DCC: variants seen among roughly 807,000 people sequenced by gnomAD.
The protein encoded by DCC is netrin receptor DCC.
In DCC, 58 loss-of-function variants were observed where a neutral mutation model predicts 172.5. The ratio of observed to expected loss-of-function variants is 0.34; its 90% confidence interval spans 0.27 to 0.42. The LOEUF (loss-of-function observed/expected upper bound fraction) is 0.42, where lower values mean the gene tolerates loss of function less well. DCC is among the 10% of genes least tolerant of loss of function. DCC has a pLI of 1.00. For synonymous variants in DCC, 709 were observed against 644.5 expected (o/e 1.10, Z -1.52); for missense variants, 1,740 against 1,791.0 (o/e 0.97, Z 0.51).
chr18:53,090,581 CCA>C (rs2042988238), intron 7 of DCC, among the ~76,000 whole-genome samples: 2 of 150,622 alleles, frequency 1.3e-5, no homozygotes, highest in Non-Finnish European at 3.0e-5. Context: ...GTGGTCCCAG[CCA>C]CTCGGCAGGC....
intron 7 of DCC, among the ~76,000 whole-genome samples, chr18:53,116,460 C>G (rs941120202): frequency 1.3e-5 from 2 of 151,636 alleles, no homozygotes; most frequent in Non-Finnish European, 3.0e-5. Flanking sequence ...TTCCGTGTCT[C>G]CAGACCCTGT....
intron 7 of DCC, among the ~76,000 whole-genome samples, chr18:53,087,453 G>GT (rs1376910441): frequency 1.3e-5 from 2 of 151,154 alleles, no homozygotes; most frequent in African/African-American, 4.9e-5. Flanking sequence ...GGGGTTGTTT[G>GT]TTTTTTTCTT....
intron 5 of DCC, among the ~76,000 whole-genome samples, chr18:52,942,433 G>C (rs1337018213): frequency 6.6e-6 from 1 of 151,998 alleles, no homozygotes; most frequent in Non-Finnish European, 1.5e-5. Flanking sequence ...TCTTTTAATA[G>C]CATGTGGGTG....
At chr18:53,165,055 G>C (rs2054895560) in intron 8 of DCC, among the ~76,000 whole-genome samples, 1 of 152,166 alleles carries the variant, frequency 6.6e-6, no homozygotes, top group Non-Finnish European at 1.5e-5. Context: ...AAAATACAGT[G>C]GGAGTGCAGA....
chr18:53,119,565 T>C (rs2144283310), intron 7 of DCC, among the ~76,000 whole-genome samples: 1 of 152,018 alleles, frequency 6.6e-6, no homozygotes, highest in Non-Finnish European at 1.5e-5. Flanking sequence ...TTATTTCTTA[T>C]TAAAACATTT....
intron 1 of DCC, among the ~76,000 whole-genome samples, chr18:52,378,699 A>C (rs1046880964): frequency 5.3e-5 from 8 of 152,020 alleles, no homozygotes; most frequent in Non-Finnish European, 1.2e-4. Context: ...GGTGCACACC[A>C]CCATGCCCAG....
chr18:53,255,836 A>C (rs1568394188), intron 12 of DCC, among the ~76,000 whole-genome samples: 1 of 152,266 alleles, frequency 6.6e-6, no homozygotes, highest in East Asian at 1.9e-4. Flanking sequence ...CCAACAGTGT[A>C]AAACTGTTCC....
intron 7 of DCC, among the ~76,000 whole-genome samples, chr18:53,152,550 A>G (rs2054657968): frequency 6.8e-6 from 1 of 146,750 alleles, no homozygotes; most frequent in Admixed American, 7.0e-5. Context: ...GGATTTGGCT[A>G]TTATTAAAAA....
chr18:52,713,301 G>A (rs1568058219), intron 1 of DCC, among the ~76,000 whole-genome samples: 1 of 152,226 alleles, frequency 6.6e-6, no homozygotes, highest in South Asian at 2.1e-4. Flanking sequence ...AAACAAGACT[G>A]CAGGGCTAAT....
intron 1 of DCC, among the ~76,000 whole-genome samples, chr18:52,432,648 T>A (rs1568167888): frequency 6.6e-6 from 1 of 152,198 alleles, no homozygotes; most frequent in East Asian, 1.9e-4. Flanking sequence ...GTTCTTTAAT[T>A]CAAGGAGAAT....
At chr18:52,931,828 A>G (rs1408405071) in intron 5 of DCC, 1 of 152,158 alleles carries the variant, frequency 6.6e-6, no homozygotes, top group Non-Finnish European at 1.5e-5. Flanking sequence ...TTTGGGTACA[A>G]GGATTGCACT....
Position 52,574,550 on chromosome 18 carries a change from G to T in DCC, c.92-177504G>T, listed in dbSNP as rs538792001. 3.3e-5 allele frequency among the ~76,000 whole-genome samples: 5 copies of T among 152,224 alleles called. No homozygotes were observed. The East Asian group carries it at 9.6e-4, about 29-fold the overall frequency. ...AAATGTAGAAAACTCCAGAATTTCG[G>T]AAGTGAATTATAAAGCCAGACTGAT... On this transcript the variant is annotated intron_variant, in intron 1 of 28. Transcript: ENST00000442544.
rs532905131 is a variant in DCC at position 53,233,884 on chromosome 18, T to C, written c.1911+18287T>C. 2.6e-5 allele frequency among the ~76,000 whole-genome samples: 4 copies of C among 151,714 alleles called. No homozygotes were observed. In the East Asian group the frequency reaches 7.8e-4, roughly 29 times the overall value. ...ATCCCAGCACTTTGGGAGGCCGAGT[T>C]GGGTGGATCACCTGCGGTCAGGAGT... On this transcript the variant is annotated intron_variant, in intron 12 of 28. Coordinates refer to ENST00000442544, the MANE Select transcript of DCC (RefSeq NM_005215.4).
Position 52,925,346 on chromosome 18 carries a change from G to A in DCC, c.961G>A (p.Ala321Thr). Reference protein sequence around the residue: ...VVTYKNENISASAELTVLVPP... With the variant: ...VVTYKNENISTSAELTVLVPP... ...CACATATAAAAATGAGAATATTAGT[G>A]CCTCTGCAGAGCTCACAGTCTTGGG... Residue 321 changes from alanine to threonine, a missense_variant, in exon 5 of 29, where the codon GCC becomes ACC. Physicochemically the swap from Ala to Thr is moderately conservative, Grantham distance 58 (BLOSUM62 0). Coordinates refer to ENST00000442544, the MANE Select transcript of DCC (RefSeq NM_005215.4). 1 of 1,612,478 alleles carries A rather than the reference G, an allele frequency of 6.2e-7. No individual in the cohort carries two copies. Among genetic ancestry groups the A allele is most frequent in the Non-Finnish European group, 8.5e-7 (1 of 1,178,798 alleles).
At chr18:52,706,417 T>A (rs544493094) in intron 1 of DCC, among the ~76,000 whole-genome samples, 2 of 152,316 alleles carry the variant, frequency 1.3e-5, no homozygotes, top group East Asian at 3.9e-4. Context: ...TTTTGGAATT[T>A]TGTACCTATT....
intron 2 of DCC, among the ~76,000 whole-genome samples, chr18:52,905,632 T>C (rs1285780028): frequency 6.6e-6 from 1 of 152,152 alleles, no homozygotes; most frequent in African/African-American, 2.4e-5. Flanking sequence ...CAAAGTGGGG[T>C]AACAGGAATT....
At chr18:53,361,233 C>T (rs954941442) in intron 15 of DCC, among the ~76,000 whole-genome samples, 1 of 152,098 alleles carries the variant, frequency 6.6e-6, no homozygotes, top group Non-Finnish European at 1.5e-5. Flanking sequence ...GCTGACACCT[C>T]AGTTTTGGAC....
At position 52,515,139 on chromosome 18, in the gene DCC, G is replaced by A. The variant is rs1010584285; in HGVS notation, c.91+174261G>A. 5.3e-5 allele frequency among the ~76,000 whole-genome samples: 8 copies of A among 152,214 alleles called. No individual in the cohort carries two copies. In the East Asian group the frequency reaches 7.7e-4, roughly 15 times the overall value. On this transcript the variant is annotated intron_variant, in intron 1 of 28. Transcript: ENST00000442544. ...GAATAGGAGGCTCAGAAATAAACCC[G>A]CATAAATATGCTCAACTAATTTTTG... is the stretch of plus-strand genomic sequence containing the variant.
intron 1 of DCC, among the ~76,000 whole-genome samples, chr18:52,573,812 T>A (rs2033353228): frequency 6.6e-6 from 1 of 152,160 alleles, no homozygotes. Flanking sequence ...ACAGATCAAG[T>A]TAGTATCAGC....
Sources: gnomAD v4.1 joint callset for allele counts (sites outside exome capture counted in the v4.1 genomes callset) on GRCh38, gnomAD v4.1.1 for gene constraint, MANE v1.5 for transcripts, NCBI Gene and HGNC (gene_info 2026-07-23, HGNC 2026-07-21) for gene names.